Variants in TMEM132D observed in about 807,000 individuals in gnomAD.
The protein encoded by TMEM132D is transmembrane protein 132D, also known as mature OL transmembrane protein.
In TMEM132D, 21 loss-of-function variants were observed where a neutral mutation model predicts 62.3. That is an observed-to-expected ratio of 0.34 (90% CI 0.24 to 0.49). TMEM132D has a LOEUF of 0.49. TMEM132D is among the 20% of genes least tolerant of loss of function. The pLI is 0.99. For missense variants in TMEM132D, 1,346 were observed against 1,402.8 expected (o/e 0.96, Z 0.65); for synonymous variants, 621 against 575.6 (o/e 1.08, Z -1.13).
rs370209524 is a variant in TMEM132D at position 129,502,262 on chromosome 12, G to A, written c.1115+28797C>T. On this transcript the variant is annotated intron_variant, in intron 3 of 8. Transcript: ENST00000422113. ...GATCCACCCGCCTCGGCCTCCCAAA[G>A]TGCTGGGATTACAAGCGTGAGCCAC... 1.4e-4 allele frequency among the ~76,000 whole-genome samples: 22 copies of A among 152,236 alleles called. No individual in the cohort carries two copies. In the East Asian group the frequency reaches 4.1e-3, roughly 28 times the overall value.
intron 4 of TMEM132D, among the ~76,000 whole-genome samples, chr12:129,327,561 T>G (rs1010139311): frequency 6.6e-6 from 1 of 152,232 alleles, no homozygotes; most frequent in Non-Finnish European, 1.5e-5. Flanking sequence ...AAAGTTTCAC[T>G]GGACAGTGTC....
intron 3 of TMEM132D, among the ~76,000 whole-genome samples, chr12:129,363,967 A>G (rs1482529531): frequency 6.6e-6 from 1 of 152,236 alleles, no homozygotes; most frequent in Non-Finnish European, 1.5e-5. Context: ...GTTTGTTATC[A>G]GTTTCATGTG....
intron 4 of TMEM132D, among the ~76,000 whole-genome samples, chr12:129,232,924 C>T (rs1040303916): frequency 3.3e-5 from 5 of 151,842 alleles, no homozygotes; most frequent in Non-Finnish European, 5.9e-5. Context: ...AGAACAGCAC[C>T]GGGGAAATCA....
chr12:129,586,495 G>T lies in TMEM132D; in HGVS notation c.969-55290C>A, dbSNP rs183594135. On this transcript the variant is annotated intron_variant, in intron 2 of 8. Coordinates refer to ENST00000422113, the MANE Select transcript of TMEM132D (RefSeq NM_133448.3). ...TTGACTCCTCACACTTCCGGAGCCT[G>T]TGAGTCTGAGATCAGGGTGCCAGCG... 3.7e-3 allele frequency among the ~76,000 whole-genome samples: 569 copies of T among 152,296 alleles called. 9 individuals carry two copies. The highest frequency in any genetic ancestry group is 6.8e-3 in the East Asian group (35 of 5,184).
intron 1 of TMEM132D, among the ~76,000 whole-genome samples, chr12:129,778,042 G>A (rs925996744): frequency 2.0e-5 from 3 of 146,714 alleles, no homozygotes; most frequent in African/African-American, 7.6e-5. Flanking sequence ...TTGAACCCAG[G>A]AGGTCAAGGC....
At chr12:129,221,195 C>T (rs1033493283) in intron 4 of TMEM132D, among the ~76,000 whole-genome samples, 3 of 152,164 alleles carry the variant, frequency 2.0e-5, no homozygotes, top group Admixed American at 6.5e-5. Flanking sequence ...TTCTCCTCAC[C>T]TGACACGGCC....
chr12:129,199,312 G>A (rs1244047630), intron 5 of TMEM132D, among the ~76,000 whole-genome samples: 2 of 152,012 alleles, frequency 1.3e-5, no homozygotes, highest in African/African-American at 4.8e-5. Flanking sequence ...ATGTTGCTCA[G>A]GCTGGTCTCG....
At position 129,718,179 on chromosome 12, in the gene TMEM132D, A is replaced by C. The variant is rs576599995; in HGVS notation, c.80-17481T>G. On this transcript the variant is annotated intron_variant, in intron 1 of 8. Transcript: ENST00000422113. ...TCAGATCTGGGGGCTGATGATCATT[A>C]GCCCAAACTGGGTCCTGTGTGCAAT... is the stretch of plus-strand genomic sequence containing the variant. Among the ~76,000 whole-genome samples, 58 of 152,338 alleles carry C rather than the reference A, an allele frequency of 3.8e-4. 1 individual carries two copies. In the South Asian group the frequency reaches 0.011, roughly 30 times the overall value.
At chr12:129,166,275 G>A (rs1448542436) in intron 5 of TMEM132D, among the ~76,000 whole-genome samples, 3 of 79,648 alleles carry the variant, frequency 3.8e-5, no homozygotes, top group African/African-American at 1.1e-4. Context: ...ATGGGGATGG[G>A]GGACTGTGGG....
chr12:129,608,801 G>A (rs1020405552), intron 2 of TMEM132D, among the ~76,000 whole-genome samples: 3 of 152,078 alleles, frequency 2.0e-5, no homozygotes, highest in African/African-American at 7.2e-5. Context: ...TGGCTGCCAA[G>A]GAACCTATAA....
chr12:129,897,385 C>A (rs1245925164), intron 1 of TMEM132D, among the ~76,000 whole-genome samples: 1 of 152,176 alleles, frequency 6.6e-6, no homozygotes, highest in Non-Finnish European at 1.5e-5. Context: ...CCAGAGACCA[C>A]TGATGTGTCA....
chr12:129,626,483 A>C (rs1879218321), intron 2 of TMEM132D, among the ~76,000 whole-genome samples: 1 of 151,254 alleles, frequency 6.6e-6, no homozygotes, highest in Admixed American at 6.6e-5. Flanking sequence ...TCTGAGATGG[A>C]GTCTCGCTCT....
intron 2 of TMEM132D, among the ~76,000 whole-genome samples, chr12:129,612,913 G>T (rs577960958): frequency 6.6e-6 from 1 of 152,146 alleles, no homozygotes; most frequent in Non-Finnish European, 1.5e-5. Context: ...TTGCCCAAAG[G>T]TTTTGTCAAT....
chr12:129,615,872 C>T (rs778955130), intron 2 of TMEM132D, among the ~76,000 whole-genome samples: 10 of 152,022 alleles, frequency 6.6e-5, no homozygotes, highest in Non-Finnish European at 1.3e-4. Context: ...CACAGACTTG[C>T]TACCCCCGTC....
intron 1 of TMEM132D, among the ~76,000 whole-genome samples, chr12:129,724,505 T>A (rs1278324720): frequency 1.3e-5 from 2 of 152,132 alleles, no homozygotes; most frequent in Non-Finnish European, 2.9e-5. Context: ...TTGTGCTATT[T>A]TTTTGTTTTT....
intron 3 of TMEM132D, among the ~76,000 whole-genome samples, chr12:129,342,093 AC>A (rs1455092759): frequency 6.6e-6 from 1 of 152,196 alleles, no homozygotes; most frequent in Non-Finnish European, 1.5e-5. Flanking sequence ...TTCATATGGA[AC>A]CAAAAAAGAG....
At chr12:129,536,372 ACTTT>A (rs1278052784) in intron 2 of TMEM132D, among the ~76,000 whole-genome samples, 1 of 151,936 alleles carries the variant, frequency 6.6e-6, no homozygotes, top group East Asian at 1.9e-4. Flanking sequence ...CTCCATACTT[ACTTT>A]CTCTCATTAA....
At chr12:129,525,951 G>C (rs1416061704) in intron 3 of TMEM132D, among the ~76,000 whole-genome samples, 1 of 152,176 alleles carries the variant, frequency 6.6e-6, no homozygotes, top group African/African-American at 2.4e-5. Flanking sequence ...TCATACCACT[G>C]TCTCAGGTTT....
At chr12:129,839,117 ATTTTTTTTTTTTTTTTTTT>A (rs71085578) in intron 1 of TMEM132D, among the ~76,000 whole-genome samples, 1 of 20,704 alleles carries the variant, frequency 4.8e-5, no homozygotes, top group African/African-American at 1.8e-4. Flanking sequence ...CGCCTGGCTA[ATTTTTTTTTTTTTTTTTTT>A]TTTTTTTTTT....
Sources: gnomAD v4.1 joint callset for allele counts (sites outside exome capture counted in the v4.1 genomes callset) on GRCh38, gnomAD v4.1.1 for gene constraint, MANE v1.5 for transcripts, NCBI Gene and HGNC (gene_info 2026-07-23, HGNC 2026-07-21) for gene names.